The following TLE4 variants were observed in gnomAD, a reference collection of about 807,000 sequenced individuals.
TLE4 encodes the protein transducin-like enhancer protein 4.
Under a neutral mutation model 92.8 loss-of-function variants are expected in TLE4, and 8 were observed. That is an observed-to-expected ratio of 0.09 (90% CI 0.05 to 0.16). The LOEUF (loss-of-function observed/expected upper bound fraction) is 0.16. TLE4 is among the 10% of genes least tolerant of loss of function. TLE4 has a pLI of 1.00. For missense variants in TLE4, 675 were observed against 997.6 expected (o/e 0.68, Z 4.36); for synonymous variants, 371 against 374.1 (o/e 0.99, Z 0.10).
chr9:79,596,472 C>A (rs1024083070), intron 4 of TLE4, among the ~76,000 whole-genome samples: 3 of 152,126 alleles, frequency 2.0e-5, no homozygotes, highest in African/African-American at 7.2e-5. Context: ...CCTGTGAGCT[C>A]ACTCCTTCCA....
chr9:79,644,450 T>G (rs189005328), intron 6 of TLE4, among the ~76,000 whole-genome samples: 1 of 152,284 alleles, frequency 6.6e-6, no homozygotes, highest in Admixed American at 6.5e-5. Flanking sequence ...TCCAGCAACC[T>G]TGGGAGGTAG....
chr9:79,668,935 T>C, intron 8 of TLE4: 2 of 621,866 alleles, frequency 3.2e-6, no homozygotes, highest in Non-Finnish European at 4.0e-6. Flanking sequence ...TGAGGAATTA[T>C]CAATGCAGGT....
chr9:79,717,413 C>T (rs994670183), intron 14 of TLE4, among the ~76,000 whole-genome samples: 5 of 152,136 alleles, frequency 3.3e-5, no homozygotes, highest in Non-Finnish European at 7.4e-5. Flanking sequence ...TGTCCATTGG[C>T]TTCCTAGCTT....
chr9:79,630,552 T>G lies in TLE4; in HGVS notation c.390+3104T>G, dbSNP rs1193954751. Among the ~76,000 whole-genome samples the G allele has an allele frequency of 2.0e-5, 3 of 152,316 alleles. No homozygotes were observed. The East Asian group carries it at 5.8e-4, about 29-fold the overall frequency. ...CTTCCCCAAGTTCCCTCAGTTGGGC[T>G]AGGGGAACGTTATGGATCTAGTTTG... On this transcript the variant is annotated intron_variant, in intron 6 of 19. Coordinates refer to ENST00000376552, the MANE Select transcript of TLE4 (RefSeq NM_007005.6).
At position 79,572,824 on chromosome 9, in the gene TLE4, A is replaced by C; in HGVS notation, c.34A>C (p.Thr12Pro). The C allele has an allele frequency of 6.3e-7, 1 of 1,599,012 alleles. No homozygotes were observed. The highest frequency in any genetic ancestry group is 1.7e-5 in the Admixed American group (1 of 58,662). ...IRDLSKMYPQ[T>P]RHPAPHQPAQ... ...CGACCTGAGCAAGATGTACCCGCAG[A>C]CCAGACACCCAGTGAGTGCGGGCGG... The change falls in exon 1 of 20, where the codon ACC becomes CCC. Residue 12 changes from threonine (T) to proline (P), a missense_variant. This residue lies in a region of TLE4 where 38 missense variants were observed against 33.5 expected (regional missense o/e 1.14). Transcript: ENST00000376552.
intron 8 of TLE4, among the ~76,000 whole-genome samples, chr9:79,659,403 C>CT (rs148019973): frequency 2.5e-4 from 37 of 146,466 alleles, no homozygotes; most frequent in African/African-American, 4.0e-4. Context: ...ATAGTGGGCC[C>CT]TTTTTTTTTT....
At chr9:79,702,609 T>C (rs1350165461) in intron 8 of TLE4, among the ~76,000 whole-genome samples, 1 of 152,236 alleles carries the variant, frequency 6.6e-6, no homozygotes, top group East Asian at 1.9e-4. Context: ...ATCTTCAGCC[T>C]TACTGAATAA....
rs2072218843 is a variant in TLE4 at position 79,708,178 on chromosome 9, C to T, written c.997C>T (p.Pro333Ser). 1.9e-6 allele frequency: 3 copies of T among 1,614,128 alleles called. No individual in the cohort carries two copies. Among genetic ancestry groups the T allele is most frequent in the African/African-American group, 1.3e-5 (1 of 75,058 alleles). Residue 333 changes from proline (P) to serine (S), a missense_variant, in exon 12 of 20, where the codon CCC becomes TCC. Pro to Ser is a moderately conservative substitution (Grantham distance 74, BLOSUM62 -1). This residue lies in a region of TLE4 where 280 missense variants were observed against 287.3 expected (regional missense o/e 0.97). Transcript: ENST00000376552. ...TACCCCTACTCCACGAACTGATGCGCCCACCCCAGGCAGTAACTCTACTCC... is the reference window on the plus strand; with the variant it reads ...TACCCCTACTCCACGAACTGATGCGTCCACCCCAGGCAGTAACTCTACTCC... ...SNTPTPRTDA[P>S]TPGSNSTPGL...
chr9:79,594,513 A>ATTT (rs74532491), intron 4 of TLE4, among the ~76,000 whole-genome samples: 4 of 146,056 alleles, frequency 2.7e-5, no homozygotes, highest in African/African-American at 1.0e-4. Flanking sequence ...TTTGTTTTGT[A>ATTT]TTTTTTTTTT....
At chr9:79,644,161 C>G (rs112649482) in intron 6 of TLE4, among the ~76,000 whole-genome samples, 5,314 of 152,208 alleles carry the variant, frequency 0.035, 314 homozygotes, top group African/African-American at 0.12. Context: ...TCTTGTGATA[C>G]TAAGTTCTCA....
chr9:79,619,872 A>G (rs190131834), intron 5 of TLE4, among the ~76,000 whole-genome samples: 1 of 152,306 alleles, frequency 6.6e-6, no homozygotes, highest in East Asian at 1.9e-4. Context: ...ATATTTTCTC[A>G]TAATACTGAA....
chr9:79,593,767 A>G (rs1480383317), intron 4 of TLE4, among the ~76,000 whole-genome samples: 1 of 152,198 alleles, frequency 6.6e-6, no homozygotes, highest in African/African-American at 2.4e-5. Context: ...ATGAAAAAAT[A>G]CTTTTCTAGT....
At chr9:79,703,998 G>T (rs779337358) in intron 8 of TLE4, among the ~76,000 whole-genome samples, 1 of 151,424 alleles carries the variant, frequency 6.6e-6, no homozygotes, top group Non-Finnish European at 1.5e-5. Flanking sequence ...TTCTATAGAA[G>T]CTTGAAATGC....
chr9:79,599,812 C>G (rs1198637221), intron 4 of TLE4, among the ~76,000 whole-genome samples: 1 of 152,126 alleles, frequency 6.6e-6, no homozygotes, highest in South Asian at 2.1e-4. Context: ...TTGTCCTTCC[C>G]TGATCATGTC....
chr9:79,641,724 C>G (rs2057181502), intron 6 of TLE4, among the ~76,000 whole-genome samples: 1 of 152,088 alleles, frequency 6.6e-6, no homozygotes, highest in African/African-American at 2.4e-5. Context: ...GATTGCTTAC[C>G]CCTTCCACCC....
At chr9:79,595,130 G>T (rs1424047033) in intron 4 of TLE4, among the ~76,000 whole-genome samples, 1 of 152,110 alleles carries the variant, frequency 6.6e-6, no homozygotes, top group East Asian at 1.9e-4. Flanking sequence ...GTAGACACTT[G>T]GGTTCTGTAA....
At chr9:79,574,115 G>T in intron 2 of TLE4, 1 of 185,394 alleles carries the variant, frequency 5.4e-6, no homozygotes, top group Non-Finnish European at 1.1e-5. Context: ...TGACATCCTT[G>T]GTTCTTTATT....
chr9:79,724,669 C>T (rs1395618392), intron 19 of TLE4, among the ~76,000 whole-genome samples: 1 of 151,648 alleles, frequency 6.6e-6, no homozygotes, highest in Non-Finnish European at 1.5e-5. Context: ...CTTAGTGAGA[C>T]CCTCTCTCTA....
chr9:79,676,398 G>C (rs2063265333), intron 8 of TLE4, among the ~76,000 whole-genome samples: 2 of 152,132 alleles, frequency 1.3e-5, no homozygotes, highest in Non-Finnish European at 2.9e-5. Flanking sequence ...ATGATATGCA[G>C]CCCTCAACTT....
Sources: gnomAD v4.1 joint callset for allele counts (sites outside exome capture counted in the v4.1 genomes callset) on GRCh38, gnomAD v4.1.1 for gene constraint, gnomAD v4.1.1 regional missense constraint, MANE v1.5 for transcripts, NCBI Gene and HGNC (gene_info 2026-07-23, HGNC 2026-07-21) for gene names.